The following DPP10 variants were observed in gnomAD, a reference collection of about 807,000 sequenced individuals.
The protein encoded by DPP10 is inactive dipeptidyl peptidase 10.
DPP10 carries 33 observed loss-of-function variants against 120.9 expected under a neutral mutation model. That is an observed-to-expected ratio of 0.27 (90% CI 0.21 to 0.37). DPP10 has a LOEUF of 0.37. Ranked by LOEUF, DPP10 falls within the 10% of genes least tolerant of loss-of-function variation. The pLI, the probability that DPP10 is intolerant of heterozygous loss-of-function variation, is 1.00. For synonymous variants in DPP10, 337 were observed against 326.1 expected, an observed-to-expected ratio of 1.03 and a Z score of -0.36; for missense variants, 816 against 942.8, an observed-to-expected ratio of 0.87 and a Z score of 1.76.
chr2:115,611,084 T>C (rs5023299), intron 5 of DPP10, among the ~76,000 whole-genome samples: 150,273 of 152,240 alleles, frequency 0.99, 74,196 homozygotes, highest in East Asian at 1. Flanking sequence ...AGCCAGATTG[T>C]GCAACTAATA....
At chr2:114,458,170 G>A (rs1678683178) in intron 1 of DPP10, among the ~76,000 whole-genome samples, 1 of 152,138 alleles carries the variant, frequency 6.6e-6, no homozygotes, top group South Asian at 2.1e-4. Flanking sequence ...GCTATCCTGT[G>A]CTATTCTGCC....
intron 1 of DPP10, among the ~76,000 whole-genome samples, chr2:115,086,298 G>A (rs2104525710): frequency 6.6e-6 from 1 of 152,136 alleles, no homozygotes; most frequent in Non-Finnish European, 1.5e-5. Flanking sequence ...ATCTTAACCC[G>A]AATATTTCTT....
intron 11 of DPP10, among the ~76,000 whole-genome samples, chr2:115,754,131 T>A: frequency 6.6e-6 from 1 of 152,074 alleles, no homozygotes; most frequent in East Asian, 1.9e-4. Context: ...TTCACAACAC[T>A]TTTGAGACCA....
At chr2:114,479,348 T>A (rs1680801174) in intron 1 of DPP10, among the ~76,000 whole-genome samples, 2 of 151,946 alleles carry the variant, frequency 1.3e-5, no homozygotes, top group South Asian at 4.2e-4. Flanking sequence ...AGGCTTACTG[T>A]ATAACTACAA....
At chr2:115,579,022 T>C (rs747183538) in intron 5 of DPP10, 1 of 152,198 alleles carries the variant, frequency 6.6e-6, no homozygotes, top group Non-Finnish European at 1.5e-5. Flanking sequence ...ACATAGTGTT[T>C]ATTATATGTC....
At chr2:115,361,822 A>G (rs1414360287) in intron 3 of DPP10, among the ~76,000 whole-genome samples, 2 of 151,798 alleles carry the variant, frequency 1.3e-5, no homozygotes, top group Non-Finnish European at 1.5e-5. Flanking sequence ...GTTTTCTCCC[A>G]GAGGATCTGC....
chr2:115,470,293 CTG>C (rs1263134041), intron 3 of DPP10, among the ~76,000 whole-genome samples: 1 of 152,130 alleles, frequency 6.6e-6, no homozygotes, highest in African/African-American at 2.4e-5. Context: ...GTTGGTAAAA[CTG>C]TTTCTGTTAC....
chr2:115,203,075 T>C (rs1326684947), intron 1 of DPP10, among the ~76,000 whole-genome samples: 1 of 152,192 alleles, frequency 6.6e-6, no homozygotes, highest in Non-Finnish European at 1.5e-5. Flanking sequence ...CAGTCAGCTC[T>C]CTATGGTAAC....
At chr2:115,164,593 A>G (rs868227859) in intron 1 of DPP10, among the ~76,000 whole-genome samples, 1 of 152,288 alleles carries the variant, frequency 6.6e-6, no homozygotes, top group South Asian at 2.1e-4. Flanking sequence ...AATGTCTTCT[A>G]GTTTCTATGG....
intron 1 of DPP10, among the ~76,000 whole-genome samples, chr2:114,996,550 T>C (rs1701097730): frequency 2.0e-5 from 3 of 152,238 alleles, no homozygotes; most frequent in Non-Finnish European, 2.9e-5. Flanking sequence ...ATTTCTTTTT[T>C]ACTGGCTTTA....
intron 7 of DPP10, among the ~76,000 whole-genome samples, chr2:115,704,434 C>G (rs1575566592): frequency 6.6e-6 from 1 of 151,834 alleles, no homozygotes. Flanking sequence ...AGGGGGAACA[C>G]CTAGAATACA....
intron 1 of DPP10, among the ~76,000 whole-genome samples, chr2:114,667,433 A>G (rs1477391779): frequency 6.6e-6 from 1 of 152,226 alleles, no homozygotes; most frequent in Non-Finnish European, 1.5e-5. Flanking sequence ...CAAGGGAAGA[A>G]AGAAATGCAA....
At chr2:115,469,724 C>A (rs186936114) in intron 3 of DPP10, among the ~76,000 whole-genome samples, 25 of 151,884 alleles carry the variant, frequency 1.6e-4, no homozygotes, top group Admixed American at 7.9e-4. Context: ...CGTGGAGAAA[C>A]CCCATCTCTA....
chr2:115,113,439 T>C (rs1388927597), intron 1 of DPP10, among the ~76,000 whole-genome samples: 1 of 152,076 alleles, frequency 6.6e-6, no homozygotes, highest in Admixed American at 6.6e-5. Flanking sequence ...TTTTTTGCTC[T>C]TTTTTGCCCA....
intron 1 of DPP10, among the ~76,000 whole-genome samples, chr2:115,214,672 T>C (rs2056713532): frequency 6.6e-6 from 1 of 152,186 alleles, no homozygotes; most frequent in Non-Finnish European, 1.5e-5. Flanking sequence ...ACTTCTCCCT[T>C]TATTCAATAA....
rs770099460 is a variant in DPP10 at position 114,895,873 on chromosome 2, G to A, written c.61-413366G>A. Reference sequence around the variant, plus strand: ...TTGCTGTAAAACTCCTATTATAAAAGTTGTAGGTCTTCAATCCATCTTGAA... The same window carrying A: ...TTGCTGTAAAACTCCTATTATAAAAATTGTAGGTCTTCAATCCATCTTGAA... On this transcript the variant is annotated intron_variant, in intron 1 of 25. Coordinates refer to ENST00000410059, the MANE Select transcript of DPP10 (RefSeq NM_020868.6). Among the ~76,000 whole-genome samples the A allele has an allele frequency of 5.3e-5, 8 of 152,128 alleles. No homozygotes were observed. In the East Asian group the frequency reaches 9.7e-4, roughly 18 times the overall value.
At chr2:114,526,906 G>T (rs1351388776) in intron 1 of DPP10, among the ~76,000 whole-genome samples, 1 of 152,146 alleles carries the variant, frequency 6.6e-6, no homozygotes, top group Non-Finnish European at 1.5e-5. Context: ...CAGAGATGAG[G>T]AGGTCTTAGT....
chr2:115,195,145 C>A (rs2055170502), intron 1 of DPP10, among the ~76,000 whole-genome samples: 1 of 152,156 alleles, frequency 6.6e-6, no homozygotes, highest in Non-Finnish European at 1.5e-5. Flanking sequence ...AATTTGAAAT[C>A]TATTTTCTAC....
chr2:115,034,359 G>A (rs1341651324), intron 1 of DPP10, among the ~76,000 whole-genome samples: 1 of 151,846 alleles, frequency 6.6e-6, no homozygotes, highest in Non-Finnish European at 1.5e-5. Flanking sequence ...GATCTATCAA[G>A]AATCATTAAT....
Sources: allele counts gnomAD v4.1 joint callset (sites outside exome capture counted in the v4.1 genomes callset), GRCh38; gene constraint gnomAD v4.1.1; transcripts MANE v1.5; gene names NCBI Gene and HGNC (gene_info 2026-07-23, HGNC 2026-07-21).